SEMA3A: variants seen among roughly 807,000 people sequenced by gnomAD.
SEMA3A encodes semaphorin 3A.
Under a neutral mutation model 97.9 loss-of-function variants are expected in SEMA3A, and 29 were observed. The observed-to-expected ratio is 0.30, with a 90% CI of 0.22 to 0.40. SEMA3A has a LOEUF of 0.40. SEMA3A is among the 10% of genes least tolerant of loss of function. The probability of loss-of-function intolerance (pLI) is 1.00; values close to 1 mark genes in which losing one functional copy is unlikely to be tolerated. For missense variants in SEMA3A, 763 were observed against 951.3 expected, an observed-to-expected ratio of 0.80 and a Z score of 2.60; for synonymous variants, 321 against 323.7, an observed-to-expected ratio of 0.99 and a Z score of 0.09.
intron 3 of SEMA3A, among the ~76,000 whole-genome samples, chr7:84,207,871 A>G (rs534307327): frequency 3.9e-5 from 6 of 152,138 alleles, no homozygotes; most frequent in South Asian, 4.1e-4. Context: ...TGTGTGTGGA[A>G]TGAGGACCCT....
intron 1 of SEMA3A, among the ~76,000 whole-genome samples, chr7:84,390,761 A>G (rs1189616787): frequency 2.6e-5 from 4 of 152,120 alleles, no homozygotes; most frequent in Non-Finnish European, 5.9e-5. Context: ...AGATTTAGTG[A>G]AATATTTTCT....
intron 3 of SEMA3A, among the ~76,000 whole-genome samples, chr7:84,121,842 T>C (rs1276109525): frequency 2.2e-5 from 1 of 46,438 alleles, no homozygotes; most frequent in African/African-American, 8.2e-5. Flanking sequence ...GGTTTCACCG[T>C]TTTAGCCGGG....
chr7:84,073,419 T>C (rs1468774798), intron 4 of SEMA3A, among the ~76,000 whole-genome samples: 1 of 152,056 alleles, frequency 6.6e-6, no homozygotes, highest in Non-Finnish European at 1.5e-5. Context: ...TGATTCATAC[T>C]TGAAGAATAA....
At chr7:84,216,219 G>C (rs534371609) in intron 3 of SEMA3A, among the ~76,000 whole-genome samples, 167 of 152,072 alleles carry the variant, frequency 1.1e-3, no homozygotes, top group African/African-American at 4.0e-3. Context: ...CGATTCTCCT[G>C]CCTCAGCCTC....
At chr7:84,014,632 C>A (rs1371903073) in intron 6 of SEMA3A, among the ~76,000 whole-genome samples, 1 of 152,068 alleles carries the variant, frequency 6.6e-6, no homozygotes, top group African/African-American at 2.4e-5. Flanking sequence ...AGATGCGTTA[C>A]TGGATATTAA....
At chr7:84,240,577 T>C (rs141132666) in intron 3 of SEMA3A, among the ~76,000 whole-genome samples, 114 of 152,262 alleles carry the variant, frequency 7.5e-4, no homozygotes, top group African/African-American at 2.7e-3. Flanking sequence ...GATTATCCCT[T>C]AGAGCCTCGC....
intron 12 of SEMA3A, among the ~76,000 whole-genome samples, chr7:83,994,145 G>A (rs1213934484): frequency 5.2e-4 from 76 of 146,564 alleles, no homozygotes; most frequent in Non-Finnish European, 7.5e-5. Context: ...TGTAGTTCTC[G>A]AGCCTTGGTT....
At chr7:84,225,936 A>T (rs570548175) in intron 3 of SEMA3A, among the ~76,000 whole-genome samples, 1 of 152,228 alleles carries the variant, frequency 6.6e-6, no homozygotes, top group Admixed American at 6.6e-5. Flanking sequence ...CCAAGTTTAA[A>T]CATTATTATT....
chr7:84,227,839 C>T (rs747861222), intron 3 of SEMA3A, among the ~76,000 whole-genome samples: 31 of 151,810 alleles, frequency 2.0e-4, no homozygotes, highest in Non-Finnish European at 2.8e-4. Context: ...GTAATTTTCT[C>T]CTCTTTCCCT....
chr7:84,481,845 T>G (rs1806454769), intron 1 of SEMA3A, among the ~76,000 whole-genome samples: 1 of 151,882 alleles, frequency 6.6e-6, no homozygotes, highest in Admixed American at 6.6e-5. Context: ...TTAACTAAAA[T>G]AATCAATGCC....
Position 84,211,652 on chromosome 7 carries a change from A to C in SEMA3A, c.-82-16984T>G, listed in dbSNP as rs75918687. 6.0e-3 allele frequency among the ~76,000 whole-genome samples: 909 copies of C among 152,158 alleles called. 4 individuals are homozygous for C. Among genetic ancestry groups the C allele is most frequent in the Non-Finnish European group, 0.01 (691 of 68,010 alleles). Reference sequence around the variant, plus strand: ...AAAAAAAATTATCATAATTCCTGTTATTTGGCACAGATAAATGGAGACATT... The same window carrying C: ...AAAAAAAATTATCATAATTCCTGTTCTTTGGCACAGATAAATGGAGACATT... On this transcript the variant is annotated intron_variant, in intron 3 of 3. Transcript: ENST00000424555.
At chr7:84,296,876 G>T (rs1800886483) in intron 3 of SEMA3A, among the ~76,000 whole-genome samples, 1 of 152,164 alleles carries the variant, frequency 6.6e-6, no homozygotes, top group Non-Finnish European at 1.5e-5. Context: ...TTGATGAAAT[G>T]ATATTTAAAG....
At chr7:84,028,655 A>G (rs1448861178) in intron 6 of SEMA3A, among the ~76,000 whole-genome samples, 2 of 152,204 alleles carry the variant, frequency 1.3e-5, no homozygotes, top group Non-Finnish European at 2.9e-5. Context: ...ACCAGGCTGG[A>G]GTGCAGTGGC....
At chr7:84,062,453 C>T (rs867907639) in intron 4 of SEMA3A, among the ~76,000 whole-genome samples, 21 of 152,330 alleles carry the variant, frequency 1.4e-4, no homozygotes, top group African/African-American at 5.1e-4. Context: ...CGGTCTACGG[C>T]TCCCAGAGTG....
At chr7:84,020,627 G>C (rs1791293035) in intron 6 of SEMA3A, among the ~76,000 whole-genome samples, 1 of 151,080 alleles carries the variant, frequency 6.6e-6, no homozygotes, top group African/African-American at 2.4e-5. Context: ...TTTTCATTTT[G>C]GTAAATCTCA....
intron 3 of SEMA3A, among the ~76,000 whole-genome samples, chr7:84,287,594 T>C (rs1456770804): frequency 6.6e-6 from 1 of 152,198 alleles, no homozygotes; most frequent in Non-Finnish European, 1.5e-5. Context: ...TTTAATTTTT[T>C]TTCCCTATCT....
At chr7:84,046,241 T>C (rs1792343120) in intron 6 of SEMA3A, 83 bp downstream of exon 6, 10 of 1,468,500 alleles carry the variant, frequency 6.8e-6, no homozygotes, top group Middle Eastern at 1.8e-4. Context: ...TCAAGTCATA[T>C]TGCATGTACT....
chr7:84,098,925 T>C lies in SEMA3A; in HGVS notation c.453+11545A>G, dbSNP rs922727837. Among the ~76,000 whole-genome samples the C allele has an allele frequency of 1.1e-4, 13 of 120,680 alleles. 1 individual carries two copies. Among genetic ancestry groups the C allele is most frequent in the Admixed American group, 6.5e-4 (7 of 10,842 alleles). 79.2% of individuals were successfully genotyped at this position (120,680 alleles called of 152,430 possible). On this transcript the variant is annotated intron_variant, in intron 4 of 16. Coordinates refer to ENST00000265362, the MANE Select transcript of SEMA3A (RefSeq NM_006080.3). ...ACAGAATTATTAAAATCAAATTATA[T>C]AATTTTGATAAAGCTATCAACCATG...
At chr7:84,230,437 T>C (rs890189088) in intron 3 of SEMA3A, among the ~76,000 whole-genome samples, 4 of 152,028 alleles carry the variant, frequency 2.6e-5, no homozygotes, top group African/African-American at 7.2e-5. Flanking sequence ...ACAGCCTCAG[T>C]TGAACTCAAC....
Sources: allele counts gnomAD v4.1 joint callset (sites outside exome capture counted in the v4.1 genomes callset), GRCh38; gene constraint gnomAD v4.1.1; transcripts MANE v1.5; gene names NCBI Gene and HGNC (gene_info 2026-07-23, HGNC 2026-07-21).